OTOG: variants seen among roughly 807,000 people sequenced by gnomAD.
OTOG encodes otogelin.
In OTOG, 296 loss-of-function variants were observed where a neutral mutation model predicts 313.8. The observed-to-expected ratio is 0.94, with a 90% confidence interval of 0.86 to 1.04. The LOEUF is 1.04. Among genes scored for constraint, OTOG ranks in the 50% least tolerant of loss-of-function variants. The probability of loss-of-function intolerance (pLI) is 0.00; values close to 1 mark genes in which losing one functional copy is unlikely to be tolerated. For synonymous variants in OTOG, 1,533 were observed against 1,554.9 expected (o/e 0.99, Z 0.33); for missense variants, 3,948 against 3,840.1 (o/e 1.03, Z -0.74).
intron 42 of OTOG, among the ~76,000 whole-genome samples, chr11:17,632,621 C>T (rs897573856): frequency 9.2e-5 from 14 of 152,044 alleles, no homozygotes; most frequent in African/African-American, 3.1e-4. Context: ...CCACGGACAC[C>T]GTCCAGCACA....
chr11:17,570,276 G>C lies in OTOG; in HGVS notation c.1841G>C (p.Arg614Pro). ...FLRVRTNVGV[R>P]VLYDREGLRL... ...CGGGTGAGGACGAACGTGGGCGTGC[G>C]GGTGCTCTACGACCGTGAAGGGCTC... is the stretch of plus-strand genomic sequence containing the variant. The change falls in exon 17 of 56, where the codon CGG (arginine) becomes CCG (proline). Residue 614 changes from arginine (R) to proline (P), a missense_variant. Transcript: ENST00000399397. 1.0e-5 allele frequency: 16 copies of C among 1,550,828 alleles called. No homozygotes were observed. The highest frequency in any genetic ancestry group is 1.4e-5 in the Non-Finnish European group (16 of 1,147,042).
intron 15 of OTOG, among the ~76,000 whole-genome samples, chr11:17,565,664 C>T (rs1432925751): frequency 6.6e-6 from 1 of 152,198 alleles, no homozygotes; most frequent in Non-Finnish European, 1.5e-5. Flanking sequence ...TTATTTATAT[C>T]AGCATAGACT....
intron 33 of OTOG, 145 bp from the exon 34 acceptor site, chr11:17,608,151 T>C: frequency 1.8e-6 from 1 of 562,100 alleles, no homozygotes; most frequent in Non-Finnish European, 3.1e-6. Flanking sequence ...TGAACGCAGT[T>C]TCTCCTTAGT....
chr11:17,612,632 T>C lies in OTOG; in HGVS notation c.6305T>C (p.Ile2102Thr). Residue 2102 changes from isoleucine (I) to threonine (T), a missense_variant, in exon 38 of 56, where the codon ATC becomes ACC. Ile to Thr is a moderately conservative substitution (Grantham distance 89). Coordinates refer to ENST00000399397, the MANE Select transcript of OTOG (RefSeq NM_001292063.2). ...PLWECACRCS[I>T]FPDLSFVTFD... The stretch of plus-strand genomic sequence containing the variant: ...GCCCCTCCCCCAGGCCGGTGCTCAA[T>C]CTTCCCTGACCTGAGCTTCGTGACC... The C allele has an allele frequency of 6.4e-7, 1 of 1,550,404 alleles. No individual in the cohort carries two copies. The highest frequency in any genetic ancestry group is 8.7e-7 in the Non-Finnish European group (1 of 1,146,844).
At position 17,640,771 on chromosome 11, in the gene OTOG, G is replaced by A. The variant is rs976702124; in HGVS notation, c.7962G>A (p.Glu2654=). Residue 2654 remains glutamate (E), a synonymous_variant, in exon 50 of 56, where the codon GAG becomes GAA. Coordinates refer to ENST00000399397, the MANE Select transcript of OTOG (RefSeq NM_001292063.2). ...HLWEKSQLDE[E]FMHSVENVCG... ...GGGAGAAATCCCAGCTGGATGAGGAGTTCATGCACAGCGTGGAGAATGTGT... is the reference window on the plus strand; with the variant it reads ...GGGAGAAATCCCAGCTGGATGAGGAATTCATGCACAGCGTGGAGAATGTGT... The A allele has an allele frequency of 7.1e-6, 11 of 1,550,226 alleles. No individual in the cohort carries two copies. The Admixed American group carries it at 2.2e-4, about 30-fold the overall frequency.
In OTOG at chr11:17,633,704, C is replaced by T; in HGVS notation, c.7097C>T (p.Thr2366Ile). 2 of 1,545,812 alleles carry T rather than the reference C, an allele frequency of 1.3e-6. No homozygotes were observed. The highest frequency in any genetic ancestry group is 2.4e-5 in the East Asian group (1 of 40,862). ...GCCTTCCTGTGCTCCAGCGACTCCA[C>T]ATACCAGGCATGTGTGACAGCCTGT... ...YCPFLCSSDS[T>I]YQACVTACEP... The change falls in exon 43 of 56, where the codon ACA becomes ATA. Residue 2366 changes from threonine (T) to isoleucine (I), a missense_variant. Physicochemically the swap from Thr to Ile is moderately conservative, Grantham distance 89 (BLOSUM62 -1). Coordinates refer to ENST00000399397, the MANE Select transcript of OTOG (RefSeq NM_001292063.2).
chr11:17,596,011 G>T, intron 28 of OTOG, 27 bp from the exon 29 acceptor site: 1 of 1,503,790 alleles, frequency 6.6e-7, no homozygotes, highest in East Asian at 2.5e-5. Context: ...AAGTAGGGAG[G>T]TCAACAGCCC....
intron 28 of OTOG, among the ~76,000 whole-genome samples, chr11:17,595,265 G>T (rs1007006554): frequency 1.3e-5 from 2 of 152,144 alleles, no homozygotes; most frequent in Admixed American, 1.3e-4. Flanking sequence ...ACTAACCCTT[G>T]TTCTCCCCAC....
intron 8 of OTOG, 37 bp from the exon 9 acceptor site, chr11:17,558,148 A>C: frequency 6.5e-7 from 1 of 1,549,006 alleles, no homozygotes; most frequent in Non-Finnish European, 8.7e-7. Flanking sequence ...ACCCAACCCC[A>C]TCGCTGCCCC....
chr11:17,622,567 T>G (rs905534440), intron 39 of OTOG, among the ~76,000 whole-genome samples: 5 of 152,198 alleles, frequency 3.3e-5, no homozygotes, highest in African/African-American at 1.2e-4. Flanking sequence ...TTCAATTGTC[T>G]TGGTTTTTAG....
chr11:17,575,049 G>A, intron 20 of OTOG, 137 bp downstream of exon 20: 1 of 875,238 alleles, frequency 1.1e-6, no homozygotes, highest in South Asian at 2.0e-5. Flanking sequence ...ACCTTGGTGG[G>A]TAAGGTGGGT....
At chr11:17,635,448 G>T (rs535686007) in intron 46 of OTOG, among the ~76,000 whole-genome samples, 162 bp from the exon 47 acceptor site, 1 of 152,288 alleles carries the variant, frequency 6.6e-6, no homozygotes, top group South Asian at 2.1e-4. Context: ...AGAACTTCCA[G>T]ATTCTGATTC....
chr11:17,566,133 A>ACC (rs1852289021), intron 15 of OTOG, among the ~76,000 whole-genome samples: 1 of 152,056 alleles, frequency 6.6e-6, no homozygotes, highest in Admixed American at 6.6e-5. Context: ...GTGTTCCAGC[A>ACC]CCCCACTCCC....
rs967599761 is a variant in OTOG, at chr11:17,634,756, G to T, written c.7481-88G>T. 6 of 1,128,630 alleles carry T rather than the reference G, an allele frequency of 5.3e-6. No homozygotes were observed. The African/African-American group carries it at 9.3e-5, about 17-fold the overall frequency. The allele number at this position is 1,128,630 out of a possible 1,614,324, so 69.9% of individuals were successfully genotyped here. The stretch of plus-strand genomic sequence containing the variant: ...GGGAGGAGTGGGGCCAGGCGTCCAG[G>T]GGTTGGGCAGTTGTCCAGTGTTCTC... On this transcript the variant is annotated intron_variant, in intron 44 of 55. Transcript: ENST00000399397.
rs145842967 is a variant in OTOG at position 17,567,097 on chromosome 11, T to C, written c.1645-2059T>C. Among the ~76,000 whole-genome samples, 652 of 152,354 alleles carry C rather than the reference T, an allele frequency of 4.3e-3. 1 individual carries two copies. The highest frequency in any genetic ancestry group is 6.0e-3 in the Non-Finnish European group (411 of 68,036). ...TTTTGCAGAGGAGAGAACTGAGATA[T>C]GGAGAATTTAAGTGACTTCTTTAAG... On this transcript the variant is annotated intron_variant, in intron 15 of 55. Transcript: ENST00000399397.
At chr11:17,554,404 C>G (rs1033050113) in intron 6 of OTOG, among the ~76,000 whole-genome samples, 11 of 152,210 alleles carry the variant, frequency 7.2e-5, no homozygotes, top group Admixed American at 6.5e-4. Context: ...TATAGGAACA[C>G]GTGTGAAAGC....
At chr11:17,571,176 A>G (rs1047234962) in intron 17 of OTOG, among the ~76,000 whole-genome samples, 10 of 152,188 alleles carry the variant, frequency 6.6e-5, no homozygotes, top group Admixed American at 2.0e-4. Flanking sequence ...TTTTCAATGC[A>G]TATATATTTA....
At position 17,606,109 on chromosome 11, in the gene OTOG, G is replaced by T. The variant is rs1257243835; in HGVS notation, c.4130G>T (p.Arg1377Leu). 6 of 1,543,950 alleles carry T rather than the reference G, an allele frequency of 3.9e-6. No individual in the cohort carries two copies. The highest frequency in any genetic ancestry group is 3.5e-6 in the Non-Finnish European group (4 of 1,143,066). ...CTGTACGAACACACAGAGGTGTTCC[G>T]CCGGGGCACACTCTTCCGCCTTCTG... ...LRLYEHTEVF[R>L]RGTLFRLLDA... Residue 1377 changes from arginine (R) to leucine (L), a missense_variant, in exon 33 of 56, where the codon CGC becomes CTC. Coordinates refer to ENST00000399397, the MANE Select transcript of OTOG (RefSeq NM_001292063.2).
At chr11:17,606,182 C>A in intron 33 of OTOG, 47 bp downstream of exon 33, 1 of 1,485,716 alleles carries the variant, frequency 6.7e-7, no homozygotes, top group Non-Finnish European at 9.0e-7. Context: ...CCCTCTCAGT[C>A]CACTGCTCTT....
Sources: gnomAD v4.1 joint callset for allele counts (sites outside exome capture counted in the v4.1 genomes callset) on GRCh38, gnomAD v4.1.1 for gene constraint, MANE v1.5 for transcripts, NCBI Gene and HGNC (gene_info 2026-07-23, HGNC 2026-07-21) for gene names.